The following CYP26B1 variants were observed in gnomAD, a reference collection of about 807,000 sequenced individuals.
CYP26B1 encodes the protein cytochrome P450 family 26 subfamily B member 1, also known as cytochrome P450 26B1.
A neutral mutation model predicts 39.1 loss-of-function variants in CYP26B1; 8 were observed. That is an observed-to-expected ratio of 0.20 (90% CI 0.12 to 0.37). The LOEUF (loss-of-function observed/expected upper bound fraction) is 0.37. Ranked by LOEUF, CYP26B1 falls within the 10% of genes least tolerant of loss-of-function variation. The pLI is 1.00. For missense variants in CYP26B1, 615 were observed against 707.0 expected (o/e 0.87, Z 1.48); for synonymous variants, 321 against 314.3 (o/e 1.02, Z -0.23).
chr2:72,147,831 G>A lies in CYP26B1; in HGVS notation c.4C>T (p.Leu2Phe), dbSNP rs772564936. 2.0e-6 allele frequency: 3 copies of A among 1,524,006 alleles called. No homozygotes were observed. The highest frequency in any genetic ancestry group is 1.2e-5 in the South Asian group (1 of 81,584). 94.4% of individuals were successfully genotyped at this position (1,524,006 alleles called of 1,614,324 possible). M[L>F]FEGLDLVSAL... Reference sequence around the variant, plus strand: ...GACACCAGATCCAAGCCCTCAAAGAGCATGTTGGCGGCCGCTCGGGGGATT... The same window carrying A: ...GACACCAGATCCAAGCCCTCAAAGAACATGTTGGCGGCCGCTCGGGGGATT... Residue 2 changes from leucine (L) to phenylalanine (F), a missense_variant, in exon 1 of 6, where the codon CTC (leucine) becomes TTC (phenylalanine). Coordinates refer to ENST00000001146, the MANE Select transcript of CYP26B1 (RefSeq NM_019885.4). The surrounding 1 kb of genome is among the most constrained non-coding windows in gnomAD (Gnocchi z 6.1).
chr2:72,144,148 C>T lies in CYP26B1; in HGVS notation c.270G>A (p.Gly90=), dbSNP rs772771106. Residue 90 remains glycine, a synonymous_variant, in exon 2 of 6, where the codon GGG becomes GGA. Transcript: ENST00000001146. ...CGCCGGTCACGCGTATCAGCGGCCG[C>T]CCCAACAAATGCGTCTTGAACACGT... The part of the protein sequence containing the change: ...YGNVFKTHLL[G]RPLIRVTGAE... 5.6e-6 allele frequency: 9 copies of T among 1,611,050 alleles called. No homozygotes were observed. Among genetic ancestry groups the T allele is most frequent in the African/African-American group, 1.3e-5 (1 of 74,878 alleles).
chr2:72,147,652 C>G lies in CYP26B1; in HGVS notation c.183G>C (p.Glu61Asp). The change falls in exon 1 of 6, where the codon GAG becomes GAC. Residue 61 changes from glutamate (E) to aspartate (D), a missense_variant. Physicochemically the swap from Glu to Asp is conservative, Grantham distance 45. Coordinates refer to ENST00000001146, the MANE Select transcript of CYP26B1 (RefSeq NM_019885.4). This position sits in a 1 kb window ranked among gnomAD's most constrained non-coding sequence, Gnocchi z 6.1. ...TTACCTGCAGCAGCCAGTGGCCGGTCTCTCCGATGAGCGGGAAGCCCATGG... is the reference window on the plus strand; with the variant it reads ...TTACCTGCAGCAGCCAGTGGCCGGTGTCTCCGATGAGCGGGAAGCCCATGG... The part of the protein sequence containing the change: ...KGSMGFPLIG[E>D]TGHWLLQGSG... 6.2e-7 allele frequency: 1 copy of G among 1,609,712 alleles called. No homozygotes were observed. Among genetic ancestry groups the G allele is most frequent in the Non-Finnish European group, 8.5e-7 (1 of 1,178,674 alleles).
Position 72,130,871 on chromosome 2 carries a change from C to T in CYP26B1, c.*1356G>A, listed in dbSNP as rs1676549091. The T allele has an allele frequency of 6.6e-6, 1 of 152,292 alleles. No individual in the cohort carries two copies. The highest frequency in any genetic ancestry group is 2.4e-5 in the African/African-American group (1 of 41,450). The allele number at this position is 152,292 out of a possible 1,614,324, so 9.4% of individuals were successfully genotyped here. A position where few individuals can be genotyped will look rare whatever the true frequency, so the allele number is the denominator to read the frequency against. On this transcript the variant is annotated 3_prime_UTR_variant, in exon 6 of 6. Transcript: ENST00000001146. Reference sequence around the variant, plus strand: ...TGTCCGGAGACCACACAGGGCCCTGCAATCAGCTCCGAGGCAGAACTGCCG... The same window carrying T: ...TGTCCGGAGACCACACAGGGCCCTGTAATCAGCTCCGAGGCAGAACTGCCG...
chr2:72,133,695 G>A (rs966071525), intron 4 of CYP26B1, among the ~76,000 whole-genome samples: 5 of 152,216 alleles, frequency 3.3e-5, no homozygotes, highest in African/African-American at 1.2e-4. Context: ...GTGTGCGTGT[G>A]TATGTGTGGG....
chr2:72,139,078 G>A (rs1228081812), intron 2 of CYP26B1, among the ~76,000 whole-genome samples: 1 of 152,174 alleles, frequency 6.6e-6, no homozygotes, highest in African/African-American at 2.4e-5. Context: ...CTGCTGGCAG[G>A]TGTGGACAGA....
chr2:72,132,428 C>G lies in CYP26B1; in HGVS notation c.1338G>C (p.Leu446=). 1 of 1,613,094 alleles carries G rather than the reference C, an allele frequency of 6.2e-7. No individual in the cohort carries two copies. Among genetic ancestry groups the G allele is most frequent in the Non-Finnish European group, 8.5e-7 (1 of 1,179,492 alleles). ...CCAGCACCTTCAGGAACAGCTTGGCCAGGTGCTTGCCCAGGCAGGTCCGGA... is the reference window on the plus strand; with the variant it reads ...CCAGCACCTTCAGGAACAGCTTGGCGAGGTGCTTGCCCAGGCAGGTCCGGA... ...GGVRTCLGKH[L]AKLFLKVLAV... Residue 446 remains leucine (L), a synonymous_variant, in exon 6 of 6, where the codon CTG becomes CTC. Coordinates refer to ENST00000001146, the MANE Select transcript of CYP26B1 (RefSeq NM_019885.4).
In CYP26B1 at chr2:72,130,627, A is replaced by C. The variant is rs934440486; in HGVS notation, c.*1600T>G. The stretch of plus-strand genomic sequence containing the variant: ...ATTCATTGCTTTTACAACATCAAAA[A>C]CCAATAAACACAGAAAGCAAGGAAA... On this transcript the variant is annotated 3_prime_UTR_variant, in exon 6 of 6. Coordinates refer to ENST00000001146, the MANE Select transcript of CYP26B1 (RefSeq NM_019885.4). 2 of 152,152 alleles carry C rather than the reference A, an allele frequency of 1.3e-5. No individual in the cohort carries two copies. Among genetic ancestry groups the C allele is most frequent in the Non-Finnish European group, 2.9e-5 (2 of 68,026 alleles). The allele number at this position is 152,152 out of a possible 1,614,324, so 9.4% of individuals were successfully genotyped here. A position where few individuals can be genotyped will look rare whatever the true frequency, so the allele number is the denominator to read the frequency against.
chr2:72,145,252 T>C (rs1677088940), intron 1 of CYP26B1, among the ~76,000 whole-genome samples: 1 of 152,174 alleles, frequency 6.6e-6, no homozygotes, highest in African/African-American at 2.4e-5. Flanking sequence ...CCTCCTCACT[T>C]TCCTTTTTTC....
intron 2 of CYP26B1, among the ~76,000 whole-genome samples, chr2:72,137,040 G>A (rs1676799024): frequency 6.6e-6 from 1 of 152,190 alleles, no homozygotes; most frequent in Non-Finnish European, 1.5e-5. Context: ...TGCCAGAGGT[G>A]GGACAGGGAG....
chr2:72,138,956 C>A (rs1676859226), intron 2 of CYP26B1, among the ~76,000 whole-genome samples: 1 of 152,206 alleles, frequency 6.6e-6, no homozygotes. Flanking sequence ...TCTCCCCAAC[C>A]AGGCCTCCTC....
chr2:72,135,648 T>C (rs1244695317), intron 2 of CYP26B1, among the ~76,000 whole-genome samples: 1 of 152,098 alleles, frequency 6.6e-6, no homozygotes, highest in African/African-American at 2.4e-5. Flanking sequence ...TGCCCTTCCA[T>C]TGCAGAAGCC....
In CYP26B1 at chr2:72,133,082, G is replaced by A. The variant is rs1452952788; in HGVS notation, c.1087C>T (p.Arg363Cys). 6.2e-7 allele frequency: 1 copy of A among 1,613,242 alleles called. No homozygotes were observed. Among genetic ancestry groups the A allele is most frequent in the Non-Finnish European group, 8.5e-7 (1 of 1,179,992 alleles). The change falls in exon 5 of 6, where the codon CGC becomes TGC. Residue 363 changes from arginine (R) to cysteine (C), a missense_variant. Transcript: ENST00000001146. ...YLDCVIKEVM[R>C]LFTPISGGYR... is the part of the protein sequence containing the mutation. ...CCGCCGGAAATGGGCGTGAACAGGC[G>A]CATGACCTCCTTGATGACGCAGTCC...
At chr2:72,135,059 C>T (rs1676721627) in intron 3 of CYP26B1, 85 bp downstream of exon 3, 1 of 1,605,082 alleles carries the variant, frequency 6.2e-7, no homozygotes, top group East Asian at 2.2e-5. Context: ...AGGTGCCCAT[C>T]TCAGGGGTCA....
At chr2:72,141,543 C>G (rs1033169130) in intron 2 of CYP26B1, among the ~76,000 whole-genome samples, 1 of 152,196 alleles carries the variant, frequency 6.6e-6, no homozygotes, top group East Asian at 1.9e-4. Context: ...CTGCACGTAC[C>G]TCCTAACCAG....
chr2:72,146,216 G>A (rs1165366362), intron 1 of CYP26B1, among the ~76,000 whole-genome samples: 1 of 152,226 alleles, frequency 6.6e-6, no homozygotes, highest in African/African-American at 2.4e-5. Flanking sequence ...ACAGACCGTG[G>A]ATTCAGCAGA....
chr2:72,140,090 T>C (rs917555795), intron 2 of CYP26B1, among the ~76,000 whole-genome samples: 2 of 152,120 alleles, frequency 1.3e-5, no homozygotes, highest in Admixed American at 1.3e-4. Flanking sequence ...TCCCACTCCC[T>C]GCCAAGGCCA....
Position 72,132,392 on chromosome 2 carries a change from C to T in CYP26B1, c.1374G>A (p.Leu458=). ...CCAGCTCAAAGCGGCTGGTGCTAGCCAGCTCCACCGCCAGCACCTTCAGGA... is the reference window on the plus strand; with the variant it reads ...CCAGCTCAAAGCGGCTGGTGCTAGCTAGCTCCACCGCCAGCACCTTCAGGA... ...KLFLKVLAVE[L]ASTSRFELAT... is the part of the protein sequence containing the mutation. Residue 458 remains leucine (L), a synonymous_variant, in exon 6 of 6, where the codon CTG becomes CTA. Transcript: ENST00000001146. The T allele has an allele frequency of 6.2e-7, 1 of 1,611,594 alleles. No individual in the cohort carries two copies. The highest frequency in any genetic ancestry group is 8.5e-7 in the Non-Finnish European group (1 of 1,178,568).
intron 2 of CYP26B1, among the ~76,000 whole-genome samples, chr2:72,143,376 G>C (rs1323505282): frequency 1.3e-5 from 2 of 152,116 alleles, no homozygotes; most frequent in Non-Finnish European, 2.9e-5. Context: ...TCTTTCGGGG[G>C]GGGGTGGGTG....
In CYP26B1 at chr2:72,135,210, G is replaced by C. The variant is rs761080207; in HGVS notation, c.639C>G (p.Val213=). ...PEEDLGHLFE[V]YQQFVDNVFS... ...AGACATTGTCCACAAACTGCTGGTA[G>C]ACCTCAAAGAGGTGCCCAAGGTCCT... is the stretch of plus-strand genomic sequence containing the variant. The change falls in exon 3 of 6, where the codon GTC becomes GTG. Residue 213 remains valine (V), a synonymous_variant. Transcript: ENST00000001146. The C allele has an allele frequency of 1.2e-5, 20 of 1,613,978 alleles. No individual in the cohort carries two copies. In the East Asian group the frequency reaches 3.8e-4, roughly 31 times the overall value.
Sources: gnomAD v4.1 joint callset for allele counts (sites outside exome capture counted in the v4.1 genomes callset) on GRCh38, gnomAD v4.1.1 for gene constraint, Gnocchi (gnomAD v3.1) non-coding constraint, MANE v1.5 for transcripts, NCBI Gene and HGNC (gene_info 2026-07-23, HGNC 2026-07-21) for gene names.